Variants in NBAS observed in about 807,000 individuals in gnomAD.
The protein encoded by NBAS is NBAS subunit of NRZ tethering complex.
A neutral mutation model predicts 302.5 loss-of-function variants in NBAS; 219 were observed. The ratio of observed to expected loss-of-function variants is 0.72; its 90% CI spans 0.65 to 0.81. NBAS has a LOEUF of 0.81. Among genes scored for constraint, NBAS ranks in the 30% least tolerant of loss-of-function variants. NBAS has a pLI of 0.00. For synonymous variants in NBAS, 1,118 were observed against 1,021.6 expected, an observed-to-expected ratio of 1.09 and a Z score of -1.80; for missense variants, 2,932 against 2,841.6, an observed-to-expected ratio of 1.03 and a Z score of -0.72.
chr2:15,347,980 T>A (rs371244453), intron 35 of NBAS, among the ~76,000 whole-genome samples: 6 of 152,228 alleles, frequency 3.9e-5, no homozygotes. Context: ...ATAAAAATCA[T>A]TATTTTCACA....
At chr2:15,135,156 G>A in the NBAS span, among the ~76,000 whole-genome samples, 2 of 152,136 alleles carry the variant, frequency 1.3e-5, no homozygotes, top group Admixed American at 6.5e-5. Context: ...TGGCTCTTAC[G>A]CAATAGATTT....
chr2:15,005,538 A>ATT, the NBAS span, among the ~76,000 whole-genome samples: 1 of 152,246 alleles, frequency 6.6e-6, no homozygotes, highest in Admixed American at 6.5e-5. Context: ...GGCAAAGGCC[A>ATT]GACTGGAGCC....
At chr2:15,489,875 T>C (rs564280083) in intron 11 of NBAS, among the ~76,000 whole-genome samples, 4 of 152,322 alleles carry the variant, frequency 2.6e-5, no homozygotes, top group Admixed American at 1.3e-4. Flanking sequence ...TTCAGGCATT[T>C]GTTAAGAACA....
intron 14 of NBAS, among the ~76,000 whole-genome samples, chr2:15,474,708 C>T (rs1357831184): frequency 6.6e-6 from 1 of 151,906 alleles, no homozygotes; most frequent in African/African-American, 2.4e-5. Context: ...TTACAGGCAC[C>T]CGCCACCACG....
intron 41 of NBAS, among the ~76,000 whole-genome samples, chr2:15,292,021 G>T (rs1004901335): frequency 1.3e-4 from 20 of 152,176 alleles, no homozygotes; most frequent in African/African-American, 4.6e-4. Context: ...CCAAGCTGGG[G>T]TGGAGTGCAG....
chr2:15,146,027 G>C, the NBAS span, among the ~76,000 whole-genome samples: 1 of 152,086 alleles, frequency 6.6e-6, no homozygotes, highest in Non-Finnish European at 1.5e-5. Flanking sequence ...ACTGTTCTAA[G>C]TGTTGAGAAT....
At chr2:14,910,601 C>T in the NBAS span, among the ~76,000 whole-genome samples, 5 of 152,334 alleles carry the variant, frequency 3.3e-5, no homozygotes, top group Admixed American at 6.5e-5. Context: ...TGCCACAGAA[C>T]GCCTGCACCA....
Position 15,190,302 on chromosome 2 carries a change from TA to T in NBAS, c.6533del (p.Leu2178TyrfsTer9). 1 of 1,613,966 alleles carries T rather than the reference TA, an allele frequency of 6.2e-7. No homozygotes were observed. Among genetic ancestry groups the T allele is most frequent in the South Asian group, 1.1e-5 (1 of 91,074 alleles). ...HHEAEFQHLV[L>X]LLQAWPPMKS... Reference sequence around the variant, plus strand: ...TCATAGGTGGCCAAGCTTGCAAAAGTAAAACCAAGTGCTGAAATTCAGCCTC... The same window carrying T: ...TCATAGGTGGCCAAGCTTGCAAAAGTAAACCAAGTGCTGAAATTCAGCCTC... On this transcript the variant is annotated frameshift_variant, in exon 49 of 52. Transcript: ENST00000281513. LOFTEE classifies it high-confidence loss of function.
intron 31 of NBAS, among the ~76,000 whole-genome samples, chr2:15,371,473 A>G (rs970919355): frequency 2.0e-5 from 3 of 152,240 alleles, no homozygotes; most frequent in Non-Finnish European, 4.4e-5. Context: ...AAACACTTAT[A>G]AAGAATAGAA....
intron 7 of NBAS, 122 bp downstream of exon 7, chr2:15,539,101 G>T: frequency 1.5e-6 from 2 of 1,351,332 alleles, no homozygotes; most frequent in Non-Finnish European, 2.1e-6. Flanking sequence ...GGCGTCTTAA[G>T]TCCACAGCTT....
intron 35 of NBAS, among the ~76,000 whole-genome samples, chr2:15,335,539 T>C (rs1672543848): frequency 6.6e-6 from 1 of 152,226 alleles, no homozygotes; most frequent in Non-Finnish European, 1.5e-5. Context: ...AATTATGTAA[T>C]GGTATCTCTT....
the NBAS span, among the ~76,000 whole-genome samples, chr2:15,118,668 G>A: frequency 5.4e-4 from 82 of 152,074 alleles, no homozygotes; most frequent in Non-Finnish European, 8.8e-4. Context: ...GAGTGGCCAC[G>A]GGAGATTACA....
the NBAS span, among the ~76,000 whole-genome samples, chr2:15,043,945 T>C: frequency 6.6e-6 from 1 of 152,114 alleles, no homozygotes. Context: ...GAGATCCTCT[T>C]AGTAACCTTT....
chr2:15,124,973 C>T, the NBAS span, among the ~76,000 whole-genome samples: 10,506 of 152,228 alleles, frequency 0.069, 917 homozygotes, highest in East Asian at 0.25. Flanking sequence ...GAGTCCCCAC[C>T]GGAGCACTGC....
At chr2:14,836,365 C>T in the NBAS span, among the ~76,000 whole-genome samples, 1 of 151,610 alleles carries the variant, frequency 6.6e-6, no homozygotes, top group East Asian at 1.9e-4. Flanking sequence ...TAAGCTACCC[C>T]AAAGATAGAA....
chr2:14,849,021 C>T, the NBAS span, among the ~76,000 whole-genome samples: 23 of 151,294 alleles, frequency 1.5e-4, no homozygotes, highest in African/African-American at 4.9e-4. Flanking sequence ...CAGAGCGCCT[C>T]TCCTCTTCCA....
the NBAS span, among the ~76,000 whole-genome samples, chr2:14,839,233 A>T: frequency 6.6e-6 from 1 of 152,058 alleles, no homozygotes; most frequent in Non-Finnish European, 1.5e-5. Flanking sequence ...TAAGAAAATT[A>T]GACTTCCATA....
At chr2:15,139,756 G>A in the NBAS span, among the ~76,000 whole-genome samples, 1 of 152,146 alleles carries the variant, frequency 6.6e-6, no homozygotes, top group South Asian at 2.1e-4. Context: ...ATACGAGACA[G>A]GCACTAAGGA....
At chr2:15,510,201 A>C in intron 10 of NBAS, among the ~76,000 whole-genome samples, 1 of 152,250 alleles carries the variant, frequency 6.6e-6, no homozygotes, top group Middle Eastern at 3.2e-3. Context: ...GCAAGACTGC[A>C]GTGTGGCCAG....
Sources: gnomAD v4.1 joint callset for allele counts (sites outside exome capture counted in the v4.1 genomes callset) on GRCh38, gnomAD v4.1.1 for gene constraint, MANE v1.5 for transcripts, NCBI Gene and HGNC (gene_info 2026-07-23, HGNC 2026-07-21) for gene names.